Variants in POPDC2 observed in about 807,000 individuals in gnomAD.
POPDC2 encodes popeye domain cAMP effector 2, also known as popeye domain-containing protein 2.
POPDC2 carries 24 observed loss-of-function variants against 30.5 expected under a neutral mutation model. The observed-to-expected ratio is 0.79, with a 90% CI of 0.57 to 1.11. The LOEUF (loss-of-function observed/expected upper bound fraction) is 1.11. Among genes scored for constraint, POPDC2 ranks in the 50% least tolerant of loss-of-function variants. The pLI is 0.00. For missense variants in POPDC2, 409 were observed against 447.0 expected (o/e 0.91, Z 0.77); for synonymous variants, 185 against 183.3 (o/e 1.01, Z -0.07).
chr3:119,645,566 CAAAAA>C (rs201320482), intron 3 of POPDC2, among the ~76,000 whole-genome samples: 13 of 115,392 alleles, frequency 1.1e-4, no homozygotes, highest in African/African-American at 1.7e-4. Context: ...CCGTCTCAAA[CAAAAA>C]AAAAAAAAAA....
chr3:119,656,791 C>T (rs1185891618), intron 1 of POPDC2, among the ~76,000 whole-genome samples: 1 of 152,198 alleles, frequency 6.6e-6, no homozygotes, highest in Non-Finnish European at 1.5e-5. Context: ...TGAAAAAGAT[C>T]TCTAAGGTAC....
At chr3:119,648,708 G>A (rs994887073) in intron 2 of POPDC2, 40 bp from the exon 3 acceptor site, 2 of 1,542,968 alleles carry the variant, frequency 1.3e-6, no homozygotes, top group Admixed American at 1.9e-5. Context: ...GTTTAAACTA[G>A]AAAATTTGTC....
chr3:119,651,322 C>T (rs1391091232), intron 2 of POPDC2, among the ~76,000 whole-genome samples: 3 of 150,794 alleles, frequency 2.0e-5, no homozygotes, highest in Non-Finnish European at 4.4e-5. Context: ...CATGACCACC[C>T]TATTTAAAAT....
intron 2 of POPDC2, among the ~76,000 whole-genome samples, chr3:119,651,063 T>C (rs1334898446): frequency 1.3e-5 from 2 of 152,198 alleles, no homozygotes; most frequent in African/African-American, 4.8e-5. Context: ...AGACAATATA[T>C]GCTATGGCCC....
chr3:119,656,990 C>G (rs146115631), intron 1 of POPDC2, among the ~76,000 whole-genome samples: 1 of 152,106 alleles, frequency 6.6e-6, no homozygotes, highest in African/African-American at 2.4e-5. Context: ...GGCTGCAAGT[C>G]AATGTGATAG....
intron 2 of POPDC2, among the ~76,000 whole-genome samples, chr3:119,654,295 T>C (rs964006960): frequency 2.0e-5 from 3 of 152,148 alleles, no homozygotes; most frequent in African/African-American, 7.2e-5. Context: ...ACAAGTAACA[T>C]GGTCTACCCA....
chr3:119,647,921 A>G (rs539025599), intron 3 of POPDC2, among the ~76,000 whole-genome samples, 198 bp downstream of exon 3: 36 of 152,384 alleles, frequency 2.4e-4, no homozygotes, highest in African/African-American at 8.7e-4. Context: ...AATCAAGTTA[A>G]TAACGAATGA....
rs72963118 is a variant in POPDC2, at chr3:119,648,960, G to T, written c.601-292C>A. On this transcript the variant is annotated intron_variant, in intron 2 of 3. Coordinates refer to ENST00000493094, the MANE Select transcript of POPDC2 (RefSeq NM_001369919.2). ...CACTTTCCTCAACTGTAATTCTGTG[G>T]TTCCGTGGCTAATGCCACTAATGAC... 9.2e-3 allele frequency among the ~76,000 whole-genome samples: 1,406 copies of T among 152,296 alleles called. 20 individuals carry two copies. Among genetic ancestry groups the T allele is most frequent in the African/African-American group, 0.032 (1,341 of 41,542 alleles).
At chr3:119,660,662 CTCTCTCCTCCCCACCA>C (rs2052933640), upstream of POPDC2, 2 of 271,542 alleles carry the variant, frequency 7.4e-6, no homozygotes, top group Non-Finnish European at 1.3e-5. Flanking sequence ...CTCTCCCCCC[CTCTCTCCTCCCCACCA>C]CCCCCGCTGT....
At chr3:119,653,230 A>G (rs899088654) in intron 2 of POPDC2, among the ~76,000 whole-genome samples, 45 of 152,282 alleles carry the variant, frequency 3.0e-4, no homozygotes, top group Non-Finnish European at 7.4e-5. Flanking sequence ...TGTTAAATGG[A>G]GTAATAATCA....
chr3:119,660,397 G>A lies in POPDC2; in HGVS notation c.27C>T (p.Gly9=). Residue 9 remains glycine (G), a synonymous_variant, in exon 1 of 4, where the codon GGC becomes GGT. Transcript: ENST00000493094. ...ACGCTGAACCCTGCAAGAGAAGCTGGCCCACTCTGCTGCTGTTGGCGCTCA... is the reference window on the plus strand; with the variant it reads ...ACGCTGAACCCTGCAAGAGAAGCTGACCCACTCTGCTGCTGTTGGCGCTCA... MSANSSRV[G]QLLLQGSACI... The A allele has an allele frequency of 6.2e-7, 1 of 1,613,312 alleles. No homozygotes were observed. Among genetic ancestry groups the A allele is most frequent in the East Asian group, 2.2e-5 (1 of 44,838 alleles).
chr3:119,653,676 A>C lies in POPDC2; in HGVS notation c.600+829T>G, dbSNP rs549501936. 5.9e-5 allele frequency among the ~76,000 whole-genome samples: 9 copies of C among 152,118 alleles called. No individual in the cohort carries two copies. The East Asian group carries it at 1.5e-3, about 26-fold the overall frequency. ...GTATTTTTAGTAGAGACGGGATTTC[A>C]TCGTGTTAGCCAGGATGGTCTCGAT... On this transcript the variant is annotated intron_variant, in intron 2 of 3. Coordinates refer to ENST00000493094, the MANE Select transcript of POPDC2 (RefSeq NM_001369919.2).
chr3:119,642,584 G>A, intron 3 of POPDC2, 23 bp from the exon 4 acceptor site: 1 of 1,504,202 alleles, frequency 6.6e-7, no homozygotes, highest in Non-Finnish European at 9.3e-7. Context: ...AAAGAGGGAG[G>A]ATTTTAGCAC....
At chr3:119,651,133 C>T (rs1001780767) in intron 2 of POPDC2, among the ~76,000 whole-genome samples, 3 of 152,184 alleles carry the variant, frequency 2.0e-5, no homozygotes, top group Non-Finnish European at 4.4e-5. Flanking sequence ...CCCTCCCCTT[C>T]CTCTCTCCAT....
Position 119,642,387 on chromosome 3 carries a change from G to T in POPDC2, c.*218C>A. On this transcript the variant is annotated 3_prime_UTR_variant, in exon 4 of 4. Transcript: ENST00000493094. ...TCACCTTGCCTGTGAGCCTTCCAGT[G>T]GGTGGGAAAAGAGGCATGCCTATCA... 1.1e-6 allele frequency: 1 copy of T among 911,016 alleles called. No homozygotes were observed. The highest frequency in any genetic ancestry group is 1.8e-6 in the Non-Finnish European group (1 of 557,524). 56.4% of individuals were successfully genotyped at this position (911,016 alleles called of 1,614,324 possible). A position where few individuals can be genotyped will look rare whatever the true frequency, so the allele number is the denominator to read the frequency against.
chr3:119,643,217 C>A, intron 3 of POPDC2: 1 of 605,808 alleles, frequency 1.7e-6, no homozygotes, highest in South Asian at 1.9e-5. Flanking sequence ...AACCTTACAG[C>A]TGCTTCTGAG....
intron 3 of POPDC2, among the ~76,000 whole-genome samples, chr3:119,646,706 GAAGA>G (rs1250193486): frequency 3.9e-5 from 6 of 152,072 alleles, no homozygotes; most frequent in Admixed American, 2.6e-4. Flanking sequence ...AGAAATTGGA[GAAGA>G]AAGAAGAGAA....
At chr3:119,650,155 T>C (rs1207139278) in intron 2 of POPDC2, among the ~76,000 whole-genome samples, 2 of 152,254 alleles carry the variant, frequency 1.3e-5, no homozygotes, top group South Asian at 4.1e-4. Context: ...GAAGCACATG[T>C]GTTTGAGCAA....
chr3:119,653,038 G>A (rs140076566), intron 2 of POPDC2, among the ~76,000 whole-genome samples: 242 of 150,776 alleles, frequency 1.6e-3, no homozygotes, highest in Admixed American at 4.6e-3. Flanking sequence ...GTGTGTGTGC[G>A]CGTGTGTGCA....
Sources: gnomAD v4.1 joint callset for allele counts (sites outside exome capture counted in the v4.1 genomes callset) on GRCh38, gnomAD v4.1.1 for gene constraint, MANE v1.5 for transcripts, NCBI Gene and HGNC (gene_info 2026-07-23, HGNC 2026-07-21) for gene names.